POC1B: variants seen among roughly 807,000 people sequenced by gnomAD.
POC1B encodes the protein POC1 centriolar protein homolog B.
A neutral mutation model predicts 60.6 loss-of-function variants in POC1B; 44 were observed. The observed-to-expected ratio is 0.73, with a 90% CI of 0.57 to 0.93. The LOEUF (loss-of-function observed/expected upper bound fraction) is 0.93. Among genes scored for constraint, POC1B ranks in the 40% least tolerant of loss-of-function variants. The probability of loss-of-function intolerance (pLI) is 0.00; values close to 1 mark genes in which losing one functional copy is unlikely to be tolerated. For missense variants in POC1B, 555 were observed against 572.3 expected, an observed-to-expected ratio of 0.97 and a Z score of 0.31; for synonymous variants, 180 against 198.9, an observed-to-expected ratio of 0.90 and a Z score of 0.80.
chr12:89,421,052 A>G lies in POC1B; in HGVS notation c.*101T>C. The G allele has an allele frequency of 1.2e-6, 1 of 836,350 alleles. No individual in the cohort carries two copies. Among genetic ancestry groups the G allele is most frequent in the East Asian group, 2.7e-5 (1 of 36,878 alleles). The allele number at this position is 836,350 out of a possible 1,614,324, so 51.8% of individuals were successfully genotyped here. On this transcript the variant is annotated 3_prime_UTR_variant, in exon 12 of 12. Coordinates refer to ENST00000313546, the MANE Select transcript of POC1B (RefSeq NM_172240.3). ...TAAGAAATGCCATGATAAATAGCAC[A>G]TGGTTGTGTTGTATGGAGTATCTTG...
At chr12:89,473,970 C>T (rs56083945) in intron 4 of POC1B, among the ~76,000 whole-genome samples, 13,384 of 151,178 alleles carry the variant, frequency 0.089, 759 homozygotes, top group Middle Eastern at 0.16. Flanking sequence ...TTTGGGAGGC[C>T]GAGGCAGGCG....
At chr12:89,512,684 CAGG>C (rs1870245460) in intron 2 of POC1B, among the ~76,000 whole-genome samples, 1 of 152,154 alleles carries the variant, frequency 6.6e-6, no homozygotes, top group Admixed American at 6.5e-5. Context: ...GGAGCTTGAC[CAGG>C]AGGTCAAGGC....
At chr12:89,487,943 T>C (rs1415146532) in intron 4 of POC1B, among the ~76,000 whole-genome samples, 1 of 63,928 alleles carries the variant, frequency 1.6e-5, no homozygotes, top group Non-Finnish European at 3.4e-5. Context: ...AACTATTTAG[T>C]ATCATGTTTC....
chr12:89,496,270 C>T (rs935526074), intron 3 of POC1B, among the ~76,000 whole-genome samples: 3 of 152,146 alleles, frequency 2.0e-5, no homozygotes, highest in African/African-American at 7.2e-5. Context: ...CTAATGCCGC[C>T]GCTGATCCGA....
intron 10 of POC1B, among the ~76,000 whole-genome samples, chr12:89,451,301 T>G (rs1882031152): frequency 6.6e-6 from 1 of 152,166 alleles, no homozygotes; most frequent in South Asian, 2.1e-4. Context: ...ATTTGGAAAG[T>G]AGGTTAAAAA....
intron 1 of POC1B, 72 bp downstream of exon 1, chr12:89,525,808 GC>G: frequency 7.2e-7 from 1 of 1,393,308 alleles, no homozygotes; most frequent in Non-Finnish European, 9.4e-7. Flanking sequence ...TGCGGCTTCG[GC>G]CCGGACCTGG....
chr12:89,524,449 G>A, intron 2 of POC1B: 1 of 1,613,858 alleles, frequency 6.2e-7, no homozygotes. Context: ...TCCTGCGGAG[G>A]CATGAAAAGT....
At chr12:89,429,684 GCAGGGCCCAAATCCCC>G (rs1324486165) in intron 10 of POC1B, among the ~76,000 whole-genome samples, 1 of 152,150 alleles carries the variant, frequency 6.6e-6, no homozygotes, top group Non-Finnish European at 1.5e-5. Flanking sequence ...TTCAGACCAG[GCAGGGCCCAAATCCCC>G]CACAATGCCT....
intron 11 of POC1B, among the ~76,000 whole-genome samples, chr12:89,421,962 C>T (rs1473931828): frequency 6.6e-6 from 1 of 151,956 alleles, no homozygotes; most frequent in East Asian, 1.9e-4. Flanking sequence ...TAAATGTTAA[C>T]ATATGTTTTA....
chr12:89,453,771 T>A (rs1365243035), intron 10 of POC1B, among the ~76,000 whole-genome samples: 1 of 152,200 alleles, frequency 6.6e-6, no homozygotes, highest in Non-Finnish European at 1.5e-5. Context: ...AACTCTGAAC[T>A]AGTTACTCAA....
chr12:89,507,095 C>A (rs1008466500), intron 2 of POC1B, among the ~76,000 whole-genome samples: 9 of 151,590 alleles, frequency 5.9e-5, no homozygotes, highest in African/African-American at 2.2e-4. Flanking sequence ...CGTCTCGAAA[C>A]CCCGTCTCTA....
chr12:89,523,110 T>G, intron 2 of POC1B: 3 of 1,613,960 alleles, frequency 1.9e-6, no homozygotes, highest in Non-Finnish European at 2.5e-6. Context: ...GATTGCCTCC[T>G]TGACCATGGC....
chr12:89,459,819 T>A, intron 9 of POC1B, 101 bp from the exon 10 acceptor site: 2 of 609,966 alleles, frequency 3.3e-6, no homozygotes, highest in East Asian at 3.1e-5. Flanking sequence ...TATTCTAAAA[T>A]TAAAATATAT....
chr12:89,459,942 A>C, intron 9 of POC1B: 1 of 496,532 alleles, frequency 2.0e-6, no homozygotes, highest in African/African-American at 2.0e-5. Context: ...CCCCAGAAAT[A>C]AAAGGTTTTC....
At chr12:89,489,241 C>T (rs1043764411) in intron 4 of POC1B, among the ~76,000 whole-genome samples, 1 of 152,200 alleles carries the variant, frequency 6.6e-6, no homozygotes, top group African/African-American at 2.4e-5. Context: ...CATTTGAATA[C>T]TGTAACAACC....
At chr12:89,411,502 T>C in the POC1B span, among the ~76,000 whole-genome samples, 7 of 152,346 alleles carry the variant, frequency 4.6e-5, no homozygotes, top group African/African-American at 1.7e-4. Context: ...GCTACTAAAT[T>C]AGGACCCTCC....
rs60679774 is a variant in POC1B, at chr12:89,514,402, C to CTTTTTTTTTTTTTTTTTTTTT, written c.100+10697_100+10717dup. Among the ~76,000 whole-genome samples, 25 of 67,094 alleles carry CTTTTTTTTTTTTTTTTTTTTT rather than the reference C, an allele frequency of 3.7e-4. 1 individual carries two copies. The highest frequency in any genetic ancestry group is 7.0e-4 in the South Asian group (1 of 1,438). The allele number at this position is 67,094 out of a possible 152,430, so 44.0% of individuals were successfully genotyped here. ...ATAAGTTACTCAGTTTCATGTATTT[C>CTTTTTTTTTTTTTTTTTTTTT]TTTTTTTTTTTTTTTTTTTTTTTTT... On this transcript the variant is annotated intron_variant, in intron 2 of 11. Transcript: ENST00000313546.
At chr12:89,486,988 C>T (rs1441735440) in intron 4 of POC1B, among the ~76,000 whole-genome samples, 1 of 151,904 alleles carries the variant, frequency 6.6e-6, no homozygotes. Flanking sequence ...TATCCAGAAA[C>T]CAAATCATAT....
chr12:89,468,189 G>T lies in POC1B; in HGVS notation c.811-504C>A, dbSNP rs564915834. The stretch of plus-strand genomic sequence containing the variant: ...CACAGATAGGAGGAGAGCTGTGAAT[G>T]ATTAAAATCAGTATCACAATTCTGA... On this transcript the variant is annotated intron_variant, in intron 7 of 11. Coordinates refer to ENST00000313546, the MANE Select transcript of POC1B (RefSeq NM_172240.3). Among the ~76,000 whole-genome samples, 59 of 152,316 alleles carry T rather than the reference G, an allele frequency of 3.9e-4. No homozygotes were observed. In the South Asian group the frequency reaches 0.012, roughly 30 times the overall value.
Sources: allele counts gnomAD v4.1 joint callset (sites outside exome capture counted in the v4.1 genomes callset), GRCh38; gene constraint gnomAD v4.1.1; transcripts MANE v1.5; gene names NCBI Gene and HGNC (gene_info 2026-07-23, HGNC 2026-07-21).